CTNNA3: variants seen among roughly 807,000 people sequenced by gnomAD.
CTNNA3 encodes the protein catenin alpha 3.
In CTNNA3, 76 loss-of-function variants were observed where a neutral mutation model predicts 95.7. The observed-to-expected ratio is 0.79, with a 90% CI of 0.66 to 0.96. The LOEUF is 0.96. Ranked by LOEUF, CTNNA3 falls within the 40% of genes least tolerant of loss-of-function variation. CTNNA3 has a pLI of 0.00. For synonymous variants in CTNNA3, 431 were observed against 374.4 expected, an observed-to-expected ratio of 1.15 and a Z score of -1.74; for missense variants, 1,191 against 1,089.8, an observed-to-expected ratio of 1.09 and a Z score of -1.31.
intron 11 of CTNNA3, among the ~76,000 whole-genome samples, chr10:66,494,376 G>C (rs565303744): frequency 6.6e-6 from 1 of 152,202 alleles, no homozygotes; most frequent in Non-Finnish European, 1.5e-5. Context: ...GGTATTCCAG[G>C]GTATTAGACC....
At chr10:67,676,591 G>C (rs1589558952) in intron 1 of CTNNA3, among the ~76,000 whole-genome samples, 3 of 152,270 alleles carry the variant, frequency 2.0e-5, no homozygotes, top group East Asian at 3.9e-4. Context: ...CACAGAGAAA[G>C]AAAGGCAGAG....
At chr10:66,051,674 G>T (rs1280866445) in intron 15 of CTNNA3, among the ~76,000 whole-genome samples, 1 of 152,086 alleles carries the variant, frequency 6.6e-6, no homozygotes, top group Non-Finnish European at 1.5e-5. Flanking sequence ...AATGTTCAAA[G>T]GACAAAATAT....
chr10:67,398,080 G>A (rs1844780691), intron 5 of CTNNA3, among the ~76,000 whole-genome samples: 1 of 152,210 alleles, frequency 6.6e-6, no homozygotes, highest in Non-Finnish European at 1.5e-5. Flanking sequence ...TCTCCACTGG[G>A]GCACTGTCAA....
chr10:66,723,410 T>C (rs1320420334), intron 9 of CTNNA3, among the ~76,000 whole-genome samples: 1 of 151,768 alleles, frequency 6.6e-6, no homozygotes, highest in Non-Finnish European at 1.5e-5. Context: ...CAGTTAACAC[T>C]CTAAATTGTA....
At chr10:66,114,354 G>A (rs941914137) in intron 13 of CTNNA3, among the ~76,000 whole-genome samples, 19 of 151,406 alleles carry the variant, frequency 1.3e-4, no homozygotes, top group Non-Finnish European at 2.7e-4. Context: ...CTGAATATCT[G>A]TATATATATG....
chr10:66,810,121 T>C (rs1841816700), intron 7 of CTNNA3, among the ~76,000 whole-genome samples: 1 of 152,226 alleles, frequency 6.6e-6, no homozygotes, highest in South Asian at 2.1e-4. Context: ...TCTCTGTTTC[T>C]ACAATTATAG....
intron 3 of CTNNA3, among the ~76,000 whole-genome samples, chr10:67,559,789 T>A (rs1460839745): frequency 6.6e-6 from 1 of 151,986 alleles, no homozygotes; most frequent in Non-Finnish European, 1.5e-5. Flanking sequence ...GAGAAGTGCT[T>A]AAAGGAGCTA....
intron 5 of CTNNA3, among the ~76,000 whole-genome samples, chr10:67,310,773 G>A (rs530453135): frequency 6.6e-6 from 1 of 152,116 alleles, no homozygotes; most frequent in Non-Finnish European, 1.5e-5. Context: ...AGAACAGCAT[G>A]AGGGTAACTG....
chr10:67,098,352 T>C (rs1858139957), intron 7 of CTNNA3: 1 of 152,478 alleles, frequency 6.6e-6, no homozygotes, highest in Non-Finnish European at 1.5e-5. Context: ...TTATGCTTAC[T>C]GCGTAGAATT....
intron 10 of CTNNA3, among the ~76,000 whole-genome samples, chr10:66,533,959 C>T (rs138754866): frequency 9.2e-5 from 14 of 152,156 alleles, no homozygotes; most frequent in African/African-American, 3.4e-4. Flanking sequence ...TTATTTATAA[C>T]TCTGCAGTCA....
At chr10:66,052,761 C>T (rs764690949) in intron 15 of CTNNA3, among the ~76,000 whole-genome samples, 5 of 151,854 alleles carry the variant, frequency 3.3e-5, no homozygotes, top group Non-Finnish European at 5.9e-5. Flanking sequence ...ACGGAGAGAT[C>T]AAAATTTTCA....
At chr10:67,274,222 A>G (rs1839095378) in intron 5 of CTNNA3, among the ~76,000 whole-genome samples, 1 of 152,164 alleles carries the variant, frequency 6.6e-6, no homozygotes, top group African/African-American at 2.4e-5. Flanking sequence ...AAAGATTCAA[A>G]CAAAAGAAAT....
intron 15 of CTNNA3, among the ~76,000 whole-genome samples, chr10:66,067,336 G>A (rs1338185502): frequency 6.6e-6 from 1 of 152,140 alleles, no homozygotes; most frequent in Non-Finnish European, 1.5e-5. Context: ...AGAAATACAT[G>A]TTCAGAGAAG....
intron 7 of CTNNA3, among the ~76,000 whole-genome samples, chr10:67,138,518 T>G (rs992632890): frequency 6.6e-6 from 1 of 152,230 alleles, no homozygotes; most frequent in African/African-American, 2.4e-5. Context: ...AGCATTTGTT[T>G]ATTTTCTCTC....
At chr10:66,682,514 A>G (rs1847101362) in intron 9 of CTNNA3, among the ~76,000 whole-genome samples, 1 of 152,122 alleles carries the variant, frequency 6.6e-6, no homozygotes, top group Admixed American at 6.6e-5. Context: ...ATCTAATACT[A>G]CATGTTTGGT....
intron 13 of CTNNA3, among the ~76,000 whole-genome samples, chr10:66,250,017 G>A (rs1057324518): frequency 1.3e-5 from 2 of 152,026 alleles, no homozygotes; most frequent in African/African-American, 4.8e-5. Flanking sequence ...TCAAATGAGT[G>A]GATAAAGAAA....
chr10:66,475,513 A>G (rs1469029497), intron 11 of CTNNA3, among the ~76,000 whole-genome samples: 2 of 151,978 alleles, frequency 1.3e-5, no homozygotes, highest in African/African-American at 4.8e-5. Flanking sequence ...ACTTAGTTTA[A>G]TTATATCTCA....
chr10:67,228,220 A>G (rs1865019521), intron 5 of CTNNA3, among the ~76,000 whole-genome samples: 1 of 152,218 alleles, frequency 6.6e-6, no homozygotes. Context: ...AAAACAGATG[A>G]TAAATGAAAC....
intron 10 of CTNNA3, among the ~76,000 whole-genome samples, chr10:66,530,204 A>G (rs1429499867): frequency 6.6e-6 from 1 of 152,204 alleles, no homozygotes; most frequent in East Asian, 1.9e-4. Flanking sequence ...TGTAGTATCT[A>G]TAGGTCTGAT....
Sources: allele counts gnomAD v4.1 joint callset (sites outside exome capture counted in the v4.1 genomes callset), GRCh38; gene constraint gnomAD v4.1.1; transcripts MANE v1.5; gene names NCBI Gene and HGNC (gene_info 2026-07-23, HGNC 2026-07-21).